Variants in PARD6B observed in about 807,000 individuals in gnomAD.
PARD6B encodes the protein partitioning defective 6 homolog beta.
Under a neutral mutation model 10.5 loss-of-function variants are expected in PARD6B, and 4 were observed. That is an observed-to-expected ratio of 0.38 (90% CI 0.19 to 0.87). The LOEUF (loss-of-function observed/expected upper bound fraction) is 0.87, where lower values mean the gene tolerates loss of function less well. Ranked by LOEUF, PARD6B falls within the 40% of genes least tolerant of loss-of-function variation. The pLI, the probability that PARD6B is intolerant of heterozygous loss-of-function variation, is 0.41. For synonymous variants in PARD6B, 169 were observed against 170.4 expected (o/e 0.99, Z 0.07); for missense variants, 396 against 470.6 (o/e 0.84, Z 1.47).
intron 1 of PARD6B, among the ~76,000 whole-genome samples, chr20:50,735,128 G>C (rs967681284): frequency 3.3e-5 from 5 of 152,038 alleles, no homozygotes; most frequent in African/African-American, 1.2e-4. Context: ...TCAGAGCCTG[G>C]GTGACAGAGG....
In PARD6B at chr20:50,752,321, CT is replaced by C; in HGVS notation, c.*1838del. ...TTAACACATAGGACAAACTTGTGCA[CT>C]TTTTATGCCAAAAAAAAAAAAAATT... On this transcript the variant is annotated 3_prime_UTR_variant, in exon 3 of 3. Transcript: ENST00000371610. 4 of 944,020 alleles carry C rather than the reference CT, an allele frequency of 4.2e-6. No individual in the cohort carries two copies. The highest frequency in any genetic ancestry group is 4.9e-6 in the Non-Finnish European group (4 of 816,318). 58.5% of individuals were successfully genotyped at this position (944,020 alleles called of 1,614,324 possible). A position where few individuals can be genotyped will look rare whatever the true frequency, so the allele number is the denominator to read the frequency against.
In PARD6B at chr20:50,750,778, G is replaced by A; in HGVS notation, c.*290G>A. 1 of 1,150,516 alleles carries A rather than the reference G, an allele frequency of 8.7e-7. No individual in the cohort carries two copies. Among genetic ancestry groups the A allele is most frequent in the Non-Finnish European group, 1.1e-6 (1 of 931,328 alleles). The allele number at this position is 1,150,516 out of a possible 1,614,324, so 71.3% of individuals were successfully genotyped here. ...TTAAAGCACATTCTTGGAACTATGTGAGAAGACTAGATCATTTCTGTTGGA... is the reference window on the plus strand; with the variant it reads ...TTAAAGCACATTCTTGGAACTATGTAAGAAGACTAGATCATTTCTGTTGGA... On this transcript the variant is annotated 3_prime_UTR_variant, in exon 3 of 3. Coordinates refer to ENST00000371610, the MANE Select transcript of PARD6B (RefSeq NM_032521.3).
In PARD6B at chr20:50,752,435, C is replaced by G. The variant is rs537259506; in HGVS notation, c.*1947C>G. On this transcript the variant is annotated 3_prime_UTR_variant, in exon 3 of 3. Coordinates refer to ENST00000371610, the MANE Select transcript of PARD6B (RefSeq NM_032521.3). ...CACCTGTGACAGGTAGAGTTTATCA[C>G]TATTAATTTTATGAGGCTATTTATT... 7 of 985,446 alleles carry G rather than the reference C, an allele frequency of 7.1e-6. No homozygotes were observed. Among genetic ancestry groups the G allele is most frequent in the Non-Finnish European group, 8.4e-6 (7 of 829,756 alleles). 61.0% of individuals were successfully genotyped at this position (985,446 alleles called of 1,614,324 possible). A position where few individuals can be genotyped will look rare whatever the true frequency, so the allele number is the denominator to read the frequency against.
chr20:50,746,604 T>C (rs2087568929), intron 2 of PARD6B, among the ~76,000 whole-genome samples: 1 of 152,206 alleles, frequency 6.6e-6, no homozygotes, highest in South Asian at 2.1e-4. Context: ...TCTGCCAAAA[T>C]ATTTTCTTTC....
chr20:50,743,590 A>G (rs2087542879), intron 2 of PARD6B, among the ~76,000 whole-genome samples: 2 of 152,336 alleles, frequency 1.3e-5, no homozygotes, highest in East Asian at 3.9e-4. Flanking sequence ...TAGTTTTAAC[A>G]AAAGATATGG....
intron 2 of PARD6B, among the ~76,000 whole-genome samples, chr20:50,739,104 T>G (rs1289199145): frequency 6.6e-6 from 1 of 151,882 alleles, no homozygotes; most frequent in African/African-American, 2.4e-5. Context: ...TCAAGCCTGG[T>G]ATTGGGATAA....
In PARD6B at chr20:50,751,664, A is replaced by G; in HGVS notation, c.*1176A>G. 3.0e-6 allele frequency: 3 copies of G among 984,238 alleles called. No homozygotes were observed. The highest frequency in any genetic ancestry group is 3.6e-6 in the Non-Finnish European group (3 of 829,826). The allele number at this position is 984,238 out of a possible 1,614,324, so 61.0% of individuals were successfully genotyped here. A position where few individuals can be genotyped will look rare whatever the true frequency, so the allele number is the denominator to read the frequency against. On this transcript the variant is annotated 3_prime_UTR_variant, in exon 3 of 3. Transcript: ENST00000371610. ...CCCAGTTGTGCATTTCTGGTTTCTAAGAATCAAACCACTTGGCTGTTTTTA... is the reference window on the plus strand; with the variant it reads ...CCCAGTTGTGCATTTCTGGTTTCTAGGAATCAAACCACTTGGCTGTTTTTA...
chr20:50,735,751 TAAGC>T (rs984710500), intron 1 of PARD6B, among the ~76,000 whole-genome samples: 2 of 152,250 alleles, frequency 1.3e-5, no homozygotes, highest in African/African-American at 4.8e-5. Flanking sequence ...TCATAACAGT[TAAGC>T]AAGAGAAAAT....
Position 50,750,333 on chromosome 20 carries a change from CAGAT to C in PARD6B, c.968_971del (p.Ile323SerfsTer2), listed in dbSNP as rs1191263884. 6.2e-7 allele frequency: 1 copy of C among 1,614,178 alleles called. No homozygotes were observed. Among genetic ancestry groups the C allele is most frequent in the Non-Finnish European group, 8.5e-7 (1 of 1,180,036 alleles). On this transcript the variant is annotated frameshift_variant, in exon 3 of 3. Coordinates refer to ENST00000371610, the MANE Select transcript of PARD6B (RefSeq NM_032521.3). LOFTEE classifies it low-confidence loss of function (END_TRUNC). Reference sequence around the variant, plus strand: ...TACTGAGAGCCTGGAGTCATTAACACAGATAGAGCTAAGCTTTGAGTCTGGACAG... The same window carrying C: ...TACTGAGAGCCTGGAGTCATTAACACAGAGCTAAGCTTTGAGTCTGGACAG...
intron 1 of PARD6B, among the ~76,000 whole-genome samples, chr20:50,734,391 G>A (rs905066034): frequency 2.0e-5 from 3 of 151,936 alleles, no homozygotes; most frequent in Non-Finnish European, 2.9e-5. Context: ...CTGTCACCCG[G>A]GCTGGAGTAC....
In PARD6B at chr20:50,750,871, T is replaced by A. The variant is rs1420658470; in HGVS notation, c.*383T>A. The A allele has an allele frequency of 2.0e-6, 2 of 999,204 alleles. No homozygotes were observed. Among genetic ancestry groups the A allele is most frequent in the African/African-American group, 3.5e-5 (2 of 57,468 alleles). The allele number at this position is 999,204 out of a possible 1,614,324, so 61.9% of individuals were successfully genotyped here. A position where few individuals can be genotyped will look rare whatever the true frequency, so the allele number is the denominator to read the frequency against. On this transcript the variant is annotated 3_prime_UTR_variant, in exon 3 of 3. Transcript: ENST00000371610. ...TTTCCTTTAACTGTATTTTTAAAATTCTAATGTGAAGTCTGATTCTCTCTT... is the reference window on the plus strand; with the variant it reads ...TTTCCTTTAACTGTATTTTTAAAATACTAATGTGAAGTCTGATTCTCTCTT...
chr20:50,748,063 GC>G (rs2087579207), intron 2 of PARD6B, among the ~76,000 whole-genome samples: 1 of 152,222 alleles, frequency 6.6e-6, no homozygotes, highest in African/African-American at 2.4e-5. Context: ...TTCCTGCTGG[GC>G]GAGGTGGCTC....
In PARD6B at chr20:50,751,199, G is replaced by A. The variant is rs575005213; in HGVS notation, c.*711G>A. ...TGCCCAAGTTGGTCTTGAACTCCTG[G>A]GCTTAAGCAGTCCTGCCTCGGCTTC... On this transcript the variant is annotated 3_prime_UTR_variant, in exon 3 of 3. Transcript: ENST00000371610. The A allele has an allele frequency of 5.7e-6, 5 of 884,788 alleles. No homozygotes were observed. The highest frequency in any genetic ancestry group is 5.2e-5 in the South Asian group (1 of 19,216). The allele number at this position is 884,788 out of a possible 1,614,324, so 54.8% of individuals were successfully genotyped here.
chr20:50,735,028 T>C (rs1038284465), intron 1 of PARD6B, among the ~76,000 whole-genome samples: 4 of 152,160 alleles, frequency 2.6e-5, no homozygotes, highest in East Asian at 1.9e-4. Context: ...CATATGCCTG[T>C]AATCCCAGCT....
At position 50,750,289 on chromosome 20, in the gene PARD6B, T is replaced by C. The variant is rs1465847317; in HGVS notation, c.920T>C (p.Ile307Thr). Reference protein sequence around the residue: ...IIEDNGVPQQIPKAVPNTESL... With the variant: ...IIEDNGVPQQTPKAVPNTESL... ...GAAGACAATGGAGTGCCACAGCAGATTCCAAAAGCTGTTCCTAATACTGAG... is the reference window on the plus strand; with the variant it reads ...GAAGACAATGGAGTGCCACAGCAGACTCCAAAAGCTGTTCCTAATACTGAG... The change falls in exon 3 of 3, where the codon ATT becomes ACT. Residue 307 changes from isoleucine to threonine, a missense_variant. This residue lies in a region of PARD6B where 188 missense variants were observed against 169.7 expected (regional missense o/e 1.11). Transcript: ENST00000371610. 6.2e-7 allele frequency: 1 copy of C among 1,614,090 alleles called. No individual in the cohort carries two copies. Among genetic ancestry groups the C allele is most frequent in the East Asian group, 2.2e-5 (1 of 44,900 alleles).
At position 50,744,105 on chromosome 20, in the gene PARD6B, CTTTTTTTTTTTT is replaced by C. The variant is rs753435244; in HGVS notation, c.290-5541_290-5530del. Among the ~76,000 whole-genome samples, 485 of 77,826 alleles carry C rather than the reference CTTTTTTTTTTTT, an allele frequency of 6.2e-3. 3 individuals are homozygous for C. The highest frequency in any genetic ancestry group is 0.022 in the Middle Eastern group (2 of 90). The allele number at this position is 77,826 out of a possible 152,430, so 51.1% of individuals were successfully genotyped here. Reference sequence around the variant, plus strand: ...CCATCCAAATTTACTGAAGTAGCTTCTTTTTTTTTTTTTTTTTTTTTTTTCTGAGAAGCAGTC... The same window carrying C: ...CCATCCAAATTTACTGAAGTAGCTTCTTTTTTTTTTTTCTGAGAAGCAGTC... On this transcript the variant is annotated intron_variant, in intron 2 of 2. Coordinates refer to ENST00000371610, the MANE Select transcript of PARD6B (RefSeq NM_032521.3).
intron 2 of PARD6B, 65 bp downstream of exon 2, chr20:50,738,144 G>T: frequency 8.1e-7 from 1 of 1,241,998 alleles, no homozygotes; most frequent in Non-Finnish European, 1.1e-6. Flanking sequence ...CCACTGAAAG[G>T]ATACCCAGAC....
chr20:50,748,359 A>G (rs1216307555), intron 2 of PARD6B, among the ~76,000 whole-genome samples: 1 of 152,240 alleles, frequency 6.6e-6, no homozygotes, highest in East Asian at 1.9e-4. Flanking sequence ...ATAGCAACAG[A>G]AAACTGAGGG....
intron 2 of PARD6B, among the ~76,000 whole-genome samples, chr20:50,742,473 C>A (rs955371435): frequency 1.3e-5 from 2 of 151,876 alleles, no homozygotes; most frequent in Admixed American, 6.6e-5. Flanking sequence ...TCAAGCGATT[C>A]TCCTGCCTCA....
Sources: allele counts gnomAD v4.1 joint callset (sites outside exome capture counted in the v4.1 genomes callset), GRCh38; gene constraint gnomAD v4.1.1; regional missense constraint gnomAD v4.1.1; transcripts MANE v1.5; gene names NCBI Gene and HGNC (gene_info 2026-07-23, HGNC 2026-07-21).